The following CDC42BPA variants were observed in gnomAD, a reference collection of about 807,000 sequenced individuals.
The protein encoded by CDC42BPA is CDC42 binding protein kinase alpha, also known as serine/threonine-protein kinase MRCK alpha.
A neutral mutation model predicts 223.5 loss-of-function variants in CDC42BPA; 80 were observed. The observed-to-expected ratio is 0.36, with a 90% CI of 0.30 to 0.43. CDC42BPA has a LOEUF of 0.43. Ranked by LOEUF, CDC42BPA falls within the 20% of genes least tolerant of loss-of-function variation. The probability of loss-of-function intolerance (pLI) is 1.00; values close to 1 mark genes in which losing one functional copy is unlikely to be tolerated. For missense variants in CDC42BPA, 1,743 were observed against 2,099.9 expected (o/e 0.83, Z 3.32); for synonymous variants, 694 against 718.6 (o/e 0.97, Z 0.55).
chr1:227,114,224 T>C (rs1337548003), intron 12 of CDC42BPA, among the ~76,000 whole-genome samples: 2 of 151,878 alleles, frequency 1.3e-5, no homozygotes, highest in Admixed American at 1.3e-4. Flanking sequence ...AAATCACCTA[T>C]TCCCCATCCT....
At chr1:227,218,262 A>G (rs1369691731) in intron 2 of CDC42BPA, among the ~76,000 whole-genome samples, 1 of 152,114 alleles carries the variant, frequency 6.6e-6, no homozygotes, top group African/African-American at 2.4e-5. Flanking sequence ...ATTCCAGCTC[A>G]CTCTGCTCTC....
chr1:227,193,145 T>G (rs2150145421), intron 5 of CDC42BPA, among the ~76,000 whole-genome samples: 1 of 145,106 alleles, frequency 6.9e-6, no homozygotes, highest in East Asian at 2.1e-4. Context: ...CTCGGCTCAC[T>G]GCAAGCTCCG....
chr1:227,011,664 A>C (rs1273388514), intron 34 of CDC42BPA, among the ~76,000 whole-genome samples: 1 of 152,236 alleles, frequency 6.6e-6, no homozygotes, highest in Non-Finnish European at 1.5e-5. Flanking sequence ...TTTCTTAACA[A>C]GGTAAAAATC....
At chr1:227,030,535 G>A in intron 28 of CDC42BPA, 65 bp from the exon 29 acceptor site, 1 of 944,878 alleles carries the variant, frequency 1.1e-6, no homozygotes, top group Non-Finnish European at 1.6e-6. Flanking sequence ...TAATAAACCA[G>A]ATGATAAGAA....
At chr1:227,216,730 T>C (rs147481220) in intron 2 of CDC42BPA, among the ~76,000 whole-genome samples, 6 of 152,324 alleles carry the variant, frequency 3.9e-5, no homozygotes, top group Admixed American at 3.3e-4. Context: ...CAGTGTAGTC[T>C]GTTAAAATGT....
At chr1:227,147,591 A>C in intron 6 of CDC42BPA, 32 bp from the exon 7 acceptor site, 2 of 1,215,550 alleles carry the variant, frequency 1.6e-6, no homozygotes, top group African/African-American at 3.1e-5. Context: ...TTAATCTCCT[A>C]TATTAGAAAT....
At chr1:227,124,241 G>A (rs1190616615) in intron 11 of CDC42BPA, among the ~76,000 whole-genome samples, 6 of 151,984 alleles carry the variant, frequency 3.9e-5, no homozygotes, top group East Asian at 1.9e-4. Flanking sequence ...TAAAACTGTC[G>A]CATTTTTTTC....
rs142402392 is a variant in CDC42BPA at position 226,994,281 on chromosome 1, C to A, written c.5252G>T (p.Ser1751Ile). The A allele has an allele frequency of 6.3e-7, 1 of 1,583,640 alleles. No individual in the cohort carries two copies. Among genetic ancestry groups the A allele is most frequent in the Non-Finnish European group, 8.6e-7 (1 of 1,162,736 alleles). The change falls in exon 37 of 37, where the codon AGC becomes ATC. Residue 1751 changes from serine (S) to isoleucine (I), a missense_variant. This residue lies in a region of CDC42BPA where 200 missense variants were observed against 192.8 expected (regional missense o/e 1.04). Coordinates refer to ENST00000366766, the MANE Select transcript of CDC42BPA (RefSeq NM_001394014.1). The surrounding 1 kb of genome is among the most constrained non-coding windows in gnomAD (Gnocchi z 4.0). ...SLSLESTDRG[S>I]WDP ...TGCTGAGGCAGCTCACGGGTCCCAG[C>A]TCCCGCGGTCAGTGCTCTCCAGGGA...
chr1:227,030,148 G>T (rs577755513), intron 29 of CDC42BPA, among the ~76,000 whole-genome samples: 1 of 143,942 alleles, frequency 6.9e-6, no homozygotes, highest in East Asian at 2.1e-4. Flanking sequence ...AAAAAAAAAA[G>T]AAATGCAATC....
chr1:227,230,253 T>C (rs1462248711), intron 2 of CDC42BPA, among the ~76,000 whole-genome samples: 1 of 152,252 alleles, frequency 6.6e-6, no homozygotes, highest in East Asian at 1.9e-4. Context: ...GATAAATTTA[T>C]ACTTTAGTCA....
intron 22 of CDC42BPA, among the ~76,000 whole-genome samples, chr1:227,048,390 T>C (rs1672884762): frequency 6.6e-6 from 1 of 151,982 alleles, no homozygotes; most frequent in African/African-American, 2.4e-5. Flanking sequence ...TGATTTATAA[T>C]AAAATATTTA....
chr1:227,228,636 T>C (rs1677275722), intron 2 of CDC42BPA, among the ~76,000 whole-genome samples: 1 of 151,868 alleles, frequency 6.6e-6, no homozygotes, highest in African/African-American at 2.4e-5. Flanking sequence ...TACACTATTT[T>C]ACATTCTACC....
At chr1:227,008,298 C>T (rs1482147261) in intron 34 of CDC42BPA, among the ~76,000 whole-genome samples, 2 of 151,972 alleles carry the variant, frequency 1.3e-5, no homozygotes, top group Non-Finnish European at 2.9e-5. Context: ...AGTTACAGGC[C>T]TGTGTGTGTT....
At chr1:227,276,175 G>A (rs557957194) in intron 1 of CDC42BPA, among the ~76,000 whole-genome samples, 32 of 151,720 alleles carry the variant, frequency 2.1e-4, no homozygotes, top group Non-Finnish European at 3.8e-4. Context: ...CTGCCCTGCC[G>A]CCCATCGTCT....
intron 21 of CDC42BPA, among the ~76,000 whole-genome samples, chr1:227,058,627 G>C (rs1447521252): frequency 6.6e-6 from 1 of 151,870 alleles, no homozygotes; most frequent in East Asian, 1.9e-4. Context: ...GGCTGGTTTA[G>C]AAAAATTCCA....
At chr1:227,072,046 T>C (rs1230107108) in intron 20 of CDC42BPA, among the ~76,000 whole-genome samples, 162 bp downstream of exon 20, 2 of 151,948 alleles carry the variant, frequency 1.3e-5, no homozygotes, top group East Asian at 3.8e-4. Flanking sequence ...AATGTGTGTG[T>C]ATGCACATGC....
chr1:227,025,991 T>G, intron 31 of CDC42BPA, 64 bp downstream of exon 31: 1 of 827,458 alleles, frequency 1.2e-6, no homozygotes, highest in East Asian at 2.7e-5. Flanking sequence ...AAAATTACTA[T>G]GTAGTAATTT....
intron 16 of CDC42BPA, among the ~76,000 whole-genome samples, chr1:227,082,612 G>A (rs1250737199): frequency 1.3e-5 from 2 of 151,214 alleles, no homozygotes; most frequent in Non-Finnish European, 2.9e-5. Context: ...CTACTCAGGA[G>A]GCTGAGGCAG....
rs562160471 is a variant in CDC42BPA, at chr1:227,028,614, A to G, written c.4432+43T>C. On this transcript the variant is annotated intron_variant, in intron 30 of 36. Coordinates refer to ENST00000366766, the MANE Select transcript of CDC42BPA (RefSeq NM_001394014.1). ...AGACGAAGTAGAAGGGAAAAGGAAG[A>G]AGAGATATAAAGATAAGACAGCCGT... The G allele has an allele frequency of 1.6e-5, 21 of 1,282,860 alleles. No homozygotes were observed. In the South Asian group the frequency reaches 3.0e-4, roughly 18 times the overall value. 79.5% of individuals were successfully genotyped at this position (1,282,860 alleles called of 1,614,324 possible). A position where few individuals can be genotyped will look rare whatever the true frequency, so the allele number is the denominator to read the frequency against.
Sources: allele counts gnomAD v4.1 joint callset (sites outside exome capture counted in the v4.1 genomes callset), GRCh38; gene constraint gnomAD v4.1.1; regional missense constraint gnomAD v4.1.1; non-coding constraint Gnocchi (gnomAD v3.1); transcripts MANE v1.5; gene names NCBI Gene and HGNC (gene_info 2026-07-23, HGNC 2026-07-21).